Variants in ATXN10 observed in about 807,000 individuals in gnomAD.
ATXN10 encodes ataxin-10.
In ATXN10, 28 loss-of-function variants were observed where a neutral mutation model predicts 52.9. The ratio of observed to expected loss-of-function variants is 0.53; its 90% confidence interval spans 0.39 to 0.73. The LOEUF (loss-of-function observed/expected upper bound fraction) is 0.73. Ranked by LOEUF, ATXN10 falls within the 30% of genes least tolerant of loss-of-function variation. The pLI is 0.00. For synonymous variants in ATXN10, 226 were observed against 221.5 expected (o/e 1.02, Z -0.18); for missense variants, 565 against 577.0 (o/e 0.98, Z 0.21).
intron 9 of ATXN10, among the ~76,000 whole-genome samples, chr22:45,767,767 CT>C (rs1926638347): frequency 6.6e-6 from 1 of 152,094 alleles, no homozygotes; most frequent in South Asian, 2.1e-4. Context: ...GATATTTGAA[CT>C]GATTTTAAAA....
Position 45,727,331 on chromosome 22 carries a change from A to ATATCTATCTACC in ATXN10, c.729-2084_729-2083insCCTATCTATCTA, listed in dbSNP as rs1555890578. On this transcript the variant is annotated intron_variant, in intron 6 of 11. Coordinates refer to ENST00000252934, the MANE Select transcript of ATXN10 (RefSeq NM_013236.4). The surrounding 1 kb of genome is among the most constrained non-coding windows in gnomAD (Gnocchi z 4.6). ...GTTCTGTCTGTCTGTCTATCTATCTATATCTATCTATCTATCTATCTATCT... is the reference window on the plus strand; with the variant it reads ...GTTCTGTCTGTCTGTCTATCTATCTATATCTATCTACCTATCTATCTATCTATCTATCTATCT... Among the ~76,000 whole-genome samples, 285 of 146,794 alleles carry ATATCTATCTACC rather than the reference A, an allele frequency of 1.9e-3. No homozygotes were observed. The highest frequency in any genetic ancestry group is 7.0e-3 in the African/African-American group (276 of 39,328).
chr22:45,780,766 A>G lies in ATXN10; in HGVS notation c.1174-26193A>G, dbSNP rs1927121293. On this transcript the variant is annotated intron_variant, in intron 9 of 11. Transcript: ENST00000252934. This position sits in a 1 kb window ranked among gnomAD's most constrained non-coding sequence, Gnocchi z 4.0. ...ATGGAAGTCCTTTGGCACCTTAAAA[A>G]CAATACGTTGGCAATTGGACTTGGG... Among the ~76,000 whole-genome samples, 3 of 152,206 alleles carry G rather than the reference A, an allele frequency of 2.0e-5. No individual in the cohort carries two copies. The highest frequency in any genetic ancestry group is 2.0e-4 in the Admixed American group (3 of 15,276).
rs1924020971 is a variant in ATXN10, at chr22:45,705,892, A to G, written c.647+3045A>G. 6.6e-6 allele frequency among the ~76,000 whole-genome samples: 1 copy of G among 152,174 alleles called. No individual in the cohort carries two copies. ...CATGGCCTGTTAGGAACAGGACCAC[A>G]TAGCACAAGATAAGCAGCAGGCAAG... On this transcript the variant is annotated intron_variant, in intron 5 of 11. Coordinates refer to ENST00000252934, the MANE Select transcript of ATXN10 (RefSeq NM_013236.4). The surrounding 1 kb of genome is among the most constrained non-coding windows in gnomAD (Gnocchi z 5.2).
rs77237434 is a variant in ATXN10, at chr22:45,787,390, G to C, written c.1174-19569G>C. 1.3e-3 allele frequency among the ~76,000 whole-genome samples: 194 copies of C among 152,254 alleles called. 6 individuals carry two copies. In the East Asian group the frequency reaches 0.034, roughly 27 times the overall value. ...CTTTTTCCGTCTACCGCTGTGTCTT[G>C]ATCTGCCTCCTGGCCCCTTTTCCCT... is the stretch of plus-strand genomic sequence containing the variant. On this transcript the variant is annotated intron_variant, in intron 9 of 11. Transcript: ENST00000252934. This position sits in a 1 kb window ranked among gnomAD's most constrained non-coding sequence, Gnocchi z 4.2.
chr22:45,709,614 C>T (rs760002788), intron 5 of ATXN10, among the ~76,000 whole-genome samples: 9 of 152,172 alleles, frequency 5.9e-5, no homozygotes, highest in Non-Finnish European at 7.3e-5. Context: ...CACTCTTCTC[C>T]ATTATTGCTC....
In ATXN10 at chr22:45,677,572, A is replaced by G. The variant is rs1029723725; in HGVS notation, c.116+5393A>G. ...ACTTAGAGAAGTATTTAAAATATAT[A>G]TGATAAAGAAGTTGTTTCAGAATAT... is the stretch of plus-strand genomic sequence containing the variant. On this transcript the variant is annotated intron_variant, in intron 1 of 11. Coordinates refer to ENST00000252934, the MANE Select transcript of ATXN10 (RefSeq NM_013236.4). This position sits in a 1 kb window ranked among gnomAD's most constrained non-coding sequence, Gnocchi z 4.1. 3.3e-5 allele frequency: 5 copies of G among 151,890 alleles called. No homozygotes were observed. The highest frequency in any genetic ancestry group is 4.4e-5 in the Non-Finnish European group (3 of 67,990). The allele number at this position is 151,890 out of a possible 1,614,324, so 9.4% of individuals were successfully genotyped here.
chr22:45,753,320 G>A (rs1158881707), intron 9 of ATXN10, among the ~76,000 whole-genome samples: 1 of 143,852 alleles, frequency 7.0e-6, no homozygotes, highest in African/African-American at 2.6e-5. Flanking sequence ...TTCACAGAGC[G>A]ATTTGCTTTT....
Position 45,844,188 on chromosome 22 carries a change from G to T in ATXN10, c.*517G>T, listed in dbSNP as rs1929437939. The T allele has an allele frequency of 6.0e-6, 1 of 167,068 alleles. No individual in the cohort carries two copies. Among genetic ancestry groups the T allele is most frequent in the Non-Finnish European group, 1.3e-5 (1 of 77,026 alleles). 10.3% of individuals were successfully genotyped at this position (167,068 alleles called of 1,614,324 possible). Reference sequence around the variant, plus strand: ...AGACTCATTTCCAGTTAATTAATTCGAGAACCCTCCCTCTTCATTTTGGGT... The same window carrying T: ...AGACTCATTTCCAGTTAATTAATTCTAGAACCCTCCCTCTTCATTTTGGGT... On this transcript the variant is annotated 3_prime_UTR_variant, in exon 12 of 12. Coordinates refer to ENST00000252934, the MANE Select transcript of ATXN10 (RefSeq NM_013236.4).
rs1000391568 is a variant in ATXN10 at position 45,790,612 on chromosome 22, A to G, written c.1174-16347A>G. 2.6e-5 allele frequency among the ~76,000 whole-genome samples: 4 copies of G among 152,102 alleles called. No homozygotes were observed. The highest frequency in any genetic ancestry group is 9.7e-5 in the African/African-American group (4 of 41,414). On this transcript the variant is annotated intron_variant, in intron 9 of 11. Transcript: ENST00000252934. The surrounding 1 kb of genome is among the most constrained non-coding windows in gnomAD (Gnocchi z 4.7). ...TTGGGGGGCTACACATTTGGGAGCAATCTCCTCAGTAATTTCTTGGATCTT... is the reference window on the plus strand; with the variant it reads ...TTGGGGGGCTACACATTTGGGAGCAGTCTCCTCAGTAATTTCTTGGATCTT...
chr22:45,699,847 AT>A (rs1166697258), intron 3 of ATXN10, among the ~76,000 whole-genome samples: 1,899 of 126,354 alleles, frequency 0.015, 37 homozygotes, highest in African/African-American at 0.048. Context: ...AGGCATATTA[AT>A]TTTTTTTTTT....
intron 9 of ATXN10, among the ~76,000 whole-genome samples, chr22:45,745,909 A>G (rs2146809211): frequency 6.6e-6 from 1 of 152,332 alleles, no homozygotes; most frequent in East Asian, 1.9e-4. Flanking sequence ...CTAAATTTAC[A>G]AAGACTAGTA....
rs1210311266 is a variant in ATXN10, at chr22:45,757,651, G to A, written c.1173+17113G>A. Among the ~76,000 whole-genome samples, 6 of 151,896 alleles carry A rather than the reference G, an allele frequency of 4.0e-5. 1 individual carries two copies. In the East Asian group the frequency reaches 1.2e-3, roughly 29 times the overall value. ...GTACAGTATTAGTAAATATGGATGGGATAAAATTTTTTTTACATACACATA... is the reference window on the plus strand; with the variant it reads ...GTACAGTATTAGTAAATATGGATGGAATAAAATTTTTTTTACATACACATA... On this transcript the variant is annotated intron_variant, in intron 9 of 11. Coordinates refer to ENST00000252934, the MANE Select transcript of ATXN10 (RefSeq NM_013236.4). This position sits in a 1 kb window ranked among gnomAD's most constrained non-coding sequence, Gnocchi z 4.6.
rs112346622 is a variant in ATXN10 at position 45,714,410 on chromosome 22, C to T, written c.648-4003C>T. Among the ~76,000 whole-genome samples, 1,294 of 151,896 alleles carry T rather than the reference C, an allele frequency of 8.5e-3. 11 individuals are homozygous for T. The highest frequency in any genetic ancestry group is 0.029 in the African/African-American group (1,209 of 41,414). ...TTTATTTTTTATTTTTTTGAGACAG[C>T]GTCTCTGTCACTCAGGCTGGAGTGC... On this transcript the variant is annotated intron_variant, in intron 5 of 11. Transcript: ENST00000252934.
At chr22:45,777,417 A>G (rs1259699749) in intron 9 of ATXN10, among the ~76,000 whole-genome samples, 1 of 152,270 alleles carries the variant, frequency 6.6e-6, no homozygotes, top group African/African-American at 2.4e-5. Context: ...TTACAGGTTC[A>G]TATAATATAT....
chr22:45,733,616 A>ATCCCAGCTACTCGGGAGGCTG lies in ATXN10; in HGVS notation c.894+4046_894+4066dup. ...CCGGGTGTGGTGGCGGATGCCTGTA[A>ATCCCAGCTACTCGGGAGGCTG]TCCCAGCTACTCGGGAGGCTGTCCC... On this transcript the variant is annotated intron_variant, in intron 7 of 11. Transcript: ENST00000252934. This position sits in a 1 kb window ranked among gnomAD's most constrained non-coding sequence, Gnocchi z 4.4. Among the ~76,000 whole-genome samples the ATCCCAGCTACTCGGGAGGCTG allele has an allele frequency of 6.6e-6, 1 of 151,994 alleles. No individual in the cohort carries two copies. Among genetic ancestry groups the ATCCCAGCTACTCGGGAGGCTG allele is most frequent in the East Asian group, 1.9e-4 (1 of 5,174 alleles).
chr22:45,827,644 T>C (rs1288334253), intron 10 of ATXN10, among the ~76,000 whole-genome samples: 2 of 152,056 alleles, frequency 1.3e-5, no homozygotes, highest in Non-Finnish European at 2.9e-5. Context: ...CCAAAATATA[T>C]GAAGCAAAAA....
In ATXN10 at chr22:45,770,806, G is replaced by C. The variant is rs1354770086; in HGVS notation, c.1173+30268G>C. 6.6e-6 allele frequency among the ~76,000 whole-genome samples: 1 copy of C among 152,232 alleles called. No individual in the cohort carries two copies. Among genetic ancestry groups the C allele is most frequent in the Non-Finnish European group, 1.5e-5 (1 of 68,040 alleles). On this transcript the variant is annotated intron_variant, in intron 9 of 11. Transcript: ENST00000252934. The surrounding 1 kb of genome is among the most constrained non-coding windows in gnomAD (Gnocchi z 4.5). ...CTCCATGCCTTGCTGGGACCCTTTA[G>C]CCAGTGAATTGTTTCATTTGGTCCC...
intron 9 of ATXN10, among the ~76,000 whole-genome samples, chr22:45,796,788 T>C (rs757890658): frequency 2.0e-5 from 3 of 152,202 alleles, no homozygotes; most frequent in Non-Finnish European, 4.4e-5. Flanking sequence ...CGTGAGCCAC[T>C]GTGCCTGGCC....
chr22:45,801,713 T>A (rs1927937266), intron 9 of ATXN10, among the ~76,000 whole-genome samples: 1 of 152,218 alleles, frequency 6.6e-6, no homozygotes, highest in Non-Finnish European at 1.5e-5. Context: ...ATTCAAACTT[T>A]GCTGAAGGAC....
Sources: allele counts gnomAD v4.1 joint callset (sites outside exome capture counted in the v4.1 genomes callset), GRCh38; gene constraint gnomAD v4.1.1; non-coding constraint Gnocchi (gnomAD v3.1); transcripts MANE v1.5; gene names NCBI Gene and HGNC (gene_info 2026-07-23, HGNC 2026-07-21).